EPM2A: variants seen among roughly 807,000 people sequenced by gnomAD.
The protein encoded by EPM2A is laforin.
A neutral mutation model predicts 26.5 loss-of-function variants in EPM2A; 21 were observed. The observed-to-expected ratio is 0.79, with a 90% CI of 0.56 to 1.14. EPM2A has a LOEUF of 1.14. EPM2A is among the 50% of genes most tolerant of loss of function. The pLI, the probability that EPM2A is intolerant of heterozygous loss-of-function variation, is 0.00. For missense variants in EPM2A, 458 were observed against 440.8 expected, an observed-to-expected ratio of 1.04 and a Z score of -0.35; for synonymous variants, 217 against 177.6, an observed-to-expected ratio of 1.22 and a Z score of -1.76.
chr6:145,454,398 C>G (rs544972327), intron 4 of EPM2A, among the ~76,000 whole-genome samples: 20 of 152,228 alleles, frequency 1.3e-4, no homozygotes, highest in African/African-American at 4.8e-4. Flanking sequence ...TTGTGGATGA[C>G]TACCCATCTC....
intron 4 of EPM2A, among the ~76,000 whole-genome samples, chr6:145,447,115 C>G (rs529508746): frequency 6.6e-6 from 1 of 152,146 alleles, no homozygotes; most frequent in East Asian, 1.9e-4. Flanking sequence ...TGTTTACTCT[C>G]TAGTCCCAAA....
chr6:145,605,361 T>C (rs1316638556), intron 2 of EPM2A, among the ~76,000 whole-genome samples: 1 of 152,170 alleles, frequency 6.6e-6, no homozygotes, highest in Non-Finnish European at 1.5e-5. Context: ...TCCTGTCTTT[T>C]ATAGAAACAG....
intron 1 of EPM2A, among the ~76,000 whole-genome samples, chr6:145,732,624 G>C (rs1265500885): frequency 1.3e-5 from 2 of 152,034 alleles, no homozygotes; most frequent in Non-Finnish European, 2.9e-5. Context: ...AGTTGTAGAA[G>C]AACATTACAG....
chr6:145,607,606 AGGTATGAG>A (rs1415302423), intron 2 of EPM2A, among the ~76,000 whole-genome samples: 4 of 152,168 alleles, frequency 2.6e-5, no homozygotes, highest in Admixed American at 2.0e-4. Flanking sequence ...AAAGTGGGAG[AGGTATGAG>A]GGGAAAAGAT....
intron 1 of EPM2A, among the ~76,000 whole-genome samples, chr6:145,725,575 G>A (rs1169984235): frequency 6.6e-6 from 1 of 151,950 alleles, no homozygotes; most frequent in East Asian, 1.9e-4. Flanking sequence ...CATATAATGG[G>A]ACATCATCCA....
intron 2 of EPM2A, chr6:145,639,219 A>G (rs1450060894): frequency 6.6e-6 from 1 of 152,226 alleles, no homozygotes; most frequent in Admixed American, 6.5e-5. Flanking sequence ...ATAATCCACT[A>G]TCAATCATGA....
intron 2 of EPM2A, among the ~76,000 whole-genome samples, chr6:145,513,410 A>G (rs552925360): frequency 3.3e-5 from 5 of 152,216 alleles, no homozygotes; most frequent in Admixed American, 6.5e-5. Flanking sequence ...AAATATTGGC[A>G]TGAATGCAGA....
At chr6:145,590,340 G>T (rs1781255923) in intron 2 of EPM2A, among the ~76,000 whole-genome samples, 1 of 151,854 alleles carries the variant, frequency 6.6e-6, no homozygotes, top group Non-Finnish European at 1.5e-5. Flanking sequence ...ACAAGAAAAA[G>T]ATTTTACCAG....
intron 2 of EPM2A, among the ~76,000 whole-genome samples, chr6:145,604,943 G>A (rs1373634538): frequency 1.3e-5 from 2 of 152,080 alleles, no homozygotes; most frequent in Non-Finnish European, 2.9e-5. Flanking sequence ...TGGATGGTTT[G>A]CTAAAAAGAT....
chr6:145,507,066 C>T (rs1316104644), intron 2 of EPM2A, among the ~76,000 whole-genome samples: 1 of 152,056 alleles, frequency 6.6e-6, no homozygotes, highest in Non-Finnish European at 1.5e-5. Context: ...CACACCCAGC[C>T]AAGACTGTGG....
intron 2 of EPM2A, among the ~76,000 whole-genome samples, chr6:145,559,816 A>C (rs1780780680): frequency 2.0e-5 from 3 of 151,936 alleles, no homozygotes; most frequent in African/African-American, 7.3e-5. Flanking sequence ...TTTCCCCAAC[A>C]ATTATAGTAA....
At chr6:145,437,444 G>A (rs565430554) in intron 4 of EPM2A, among the ~76,000 whole-genome samples, 2 of 152,130 alleles carry the variant, frequency 1.3e-5, no homozygotes, top group African/African-American at 4.8e-5. Flanking sequence ...TCCCCAAATA[G>A]TAAAATAAAC....
chr6:145,661,211 C>A (rs889992926), intron 2 of EPM2A, among the ~76,000 whole-genome samples: 1 of 152,134 alleles, frequency 6.6e-6, no homozygotes, highest in Admixed American at 6.6e-5. Context: ...TTATAAACGC[C>A]CTTTCACAAT....
intron 4 of EPM2A, among the ~76,000 whole-genome samples, chr6:145,416,145 C>T (rs1778705026): frequency 6.6e-6 from 1 of 152,104 alleles, no homozygotes; most frequent in Non-Finnish European, 1.5e-5. Flanking sequence ...ATAAAACTCC[C>T]AGCTTAGAGC....
At chr6:145,714,524 C>A in intron 1 of EPM2A, among the ~76,000 whole-genome samples, 1 of 152,152 alleles carries the variant, frequency 6.6e-6, no homozygotes, top group Middle Eastern at 3.2e-3. Context: ...GTGAGCTATA[C>A]ACATATTTAA....
intron 2 of EPM2A, among the ~76,000 whole-genome samples, chr6:145,552,066 GA>G (rs1388439731): frequency 1.3e-5 from 2 of 151,590 alleles, no homozygotes; most frequent in African/African-American, 4.8e-5. Context: ...GCACACCTAT[GA>G]AAAAATTTGA....
intron 2 of EPM2A, among the ~76,000 whole-genome samples, chr6:145,682,985 C>T (rs1458115755): frequency 6.6e-6 from 1 of 152,078 alleles, no homozygotes; most frequent in Non-Finnish European, 1.5e-5. Context: ...ATAATCTTAG[C>T]ATTATACATT....
chr6:145,645,431 T>A (rs1777389438), intron 2 of EPM2A, among the ~76,000 whole-genome samples: 1 of 152,114 alleles, frequency 6.6e-6, no homozygotes, highest in African/African-American at 2.4e-5. Flanking sequence ...CTCATCCTCC[T>A]GAGTAGGACT....
At chr6:145,478,655 A>C (rs1779570317) in intron 4 of EPM2A, among the ~76,000 whole-genome samples, 1 of 151,824 alleles carries the variant, frequency 6.6e-6, no homozygotes, top group Admixed American at 6.6e-5. Flanking sequence ...ATCTGTAGCT[A>C]TACATTTCCC....
Sources: allele counts gnomAD v4.1 joint callset (sites outside exome capture counted in the v4.1 genomes callset), GRCh38; gene constraint gnomAD v4.1.1; transcripts MANE v1.5; gene names NCBI Gene and HGNC (gene_info 2026-07-23, HGNC 2026-07-21).